KCNMB3: variants seen among roughly 807,000 people sequenced by gnomAD.
KCNMB3 encodes potassium calcium-activated channel subfamily M regulatory beta subunit 3.
KCNMB3 carries 18 observed loss-of-function variants against 11.9 expected under a neutral mutation model. That is an observed-to-expected ratio of 1.51 (90% CI 1.04 to 2.23). KCNMB3 has a LOEUF of 2.23. Ranked by LOEUF, KCNMB3 falls within the 30% of genes most tolerant of loss-of-function variation. The probability of loss-of-function intolerance (pLI) is 0.00; values close to 1 mark genes in which losing one functional copy is unlikely to be tolerated. For missense variants in KCNMB3, 247 were observed against 329.4 expected (o/e 0.75, Z 1.94); for synonymous variants, 78 against 119.2 (o/e 0.65, Z 2.25).
Position 179,250,628 on chromosome 3 carries a change from A to G in KCNMB3, c.248+115T>C. On this transcript the variant is annotated intron_variant, in intron 1 of 2. Transcript: ENST00000392685. The stretch of plus-strand genomic sequence containing the variant: ...AGAGGAATTGTATTTTTCTTTTTCT[A>G]GACCATGGCAGAGAGTCACAGATTG... 3.7e-6 allele frequency: 4 copies of G among 1,069,682 alleles called. No homozygotes were observed. The South Asian group carries it at 4.5e-5, about 12-fold the overall frequency. The allele number at this position is 1,069,682 out of a possible 1,614,324, so 66.3% of individuals were successfully genotyped here. A position where few individuals can be genotyped will look rare whatever the true frequency, so the allele number is the denominator to read the frequency against.
intron 1 of KCNMB3, among the ~76,000 whole-genome samples, chr3:179,249,458 A>AGGGTC (rs1231095827): frequency 6.6e-6 from 1 of 151,742 alleles, no homozygotes; most frequent in East Asian, 2.0e-4. Context: ...CAGGAGTTCA[A>AGGGTC]AGGTCAGGAG....
intron 1 of KCNMB3, among the ~76,000 whole-genome samples, chr3:179,261,571 G>T (rs1352792071): frequency 1.4e-5 from 2 of 139,642 alleles, no homozygotes; most frequent in African/African-American, 5.2e-5. Flanking sequence ...CCCATGGCCC[G>T]CCCCGCCCCA....
chr3:179,259,268 G>T, intron 1 of KCNMB3: 1 of 1,544,630 alleles, frequency 6.5e-7, no homozygotes. Context: ...TGGGTACGGT[G>T]CAGTGATCTG....
chr3:179,251,702 G>T, upstream of KCNMB3: 1 of 1,176,564 alleles, frequency 8.5e-7, no homozygotes, highest in Non-Finnish European at 1.1e-6. Context: ...GTTTTGTTTG[G>T]CCTTCTCTGT....
chr3:179,263,144 C>A (rs1275780025), intron 1 of KCNMB3, among the ~76,000 whole-genome samples: 2 of 152,226 alleles, frequency 1.3e-5, no homozygotes, highest in Admixed American at 6.5e-5. Flanking sequence ...CAGGAGCCCA[C>A]GGAGGCGGGG....
intron 1 of KCNMB3, among the ~76,000 whole-genome samples, chr3:179,248,397 C>A (rs546149522): frequency 6.6e-6 from 1 of 152,304 alleles, no homozygotes; most frequent in African/African-American, 2.4e-5. Context: ...CCCAAACCTG[C>A]AGTCGAAAAT....
In KCNMB3 at chr3:179,244,600, G is replaced by A. The variant is rs556601924; in HGVS notation, c.342C>T (p.His114=). 49 of 1,614,078 alleles carry A rather than the reference G, an allele frequency of 3.0e-5. No individual in the cohort carries two copies. In the African/African-American group the frequency reaches 3.7e-4, roughly 12 times the overall value. ...DCAFTCGVHC[H]GQGKYPCLQV... ...GAAGACACGGGTACTTCCCCTGACCGTGGCAGTGCACACCACAGGTGAAGG... is the reference window on the plus strand; with the variant it reads ...GAAGACACGGGTACTTCCCCTGACCATGGCAGTGCACACCACAGGTGAAGG... Residue 114 remains histidine (H), a synonymous_variant, in exon 2 of 3, where the codon CAC becomes CAT. Coordinates refer to ENST00000392685, the MANE Select transcript of KCNMB3 (RefSeq NM_171830.2).
intron 1 of KCNMB3, among the ~76,000 whole-genome samples, chr3:179,257,889 TG>T (rs879613636): frequency 0.46 from 69,791 of 151,466 alleles, 17,715 homozygotes; most frequent in East Asian, 0.77. Flanking sequence ...TGTGTGTGTG[TG>T]TGTGTGTGTT....
At chr3:179,260,136 T>A in intron 1 of KCNMB3, 4 of 1,606,916 alleles carry the variant, frequency 2.5e-6, no homozygotes, top group Non-Finnish European at 3.4e-6. Context: ...GGCCACTGTG[T>A]CTGCCTGCTC....
chr3:179,257,664 GA>G (rs1726056329), intron 1 of KCNMB3, among the ~76,000 whole-genome samples: 1 of 152,126 alleles, frequency 6.6e-6, no homozygotes, highest in Non-Finnish European at 1.5e-5. Flanking sequence ...CTGTTCTTTT[GA>G]ATGATGATTA....
chr3:179,251,505 C>G, upstream of KCNMB3: 1 of 1,386,978 alleles, frequency 7.2e-7, no homozygotes, highest in African/African-American at 1.4e-5. Context: ...CCTTCTCCTC[C>G]TCTCTGGCCA....
At chr3:179,264,664 G>T (rs1307439851) in intron 1 of KCNMB3, among the ~76,000 whole-genome samples, 1 of 152,144 alleles carries the variant, frequency 6.6e-6, no homozygotes, top group Non-Finnish European at 1.5e-5. Context: ...ACTCACCTGG[G>T]TGTGATCCCC....
chr3:179,245,499 C>T (rs1223761958), intron 1 of KCNMB3, among the ~76,000 whole-genome samples: 5 of 146,780 alleles, frequency 3.4e-5, no homozygotes, highest in Non-Finnish European at 6.0e-5. Context: ...AAGTGCTGTA[C>T]TGAATTAATT....
At chr3:179,266,527 C>T (rs1463043619) in intron 1 of KCNMB3, 9 of 1,128,796 alleles carry the variant, frequency 8.0e-6, no homozygotes, top group Middle Eastern at 4.1e-4. Context: ...GGAGGCATGG[C>T]AAGTGGGCAT....
At chr3:179,246,928 A>T (rs1438885126) in intron 1 of KCNMB3, among the ~76,000 whole-genome samples, 1 of 152,190 alleles carries the variant, frequency 6.6e-6, no homozygotes, top group East Asian at 1.9e-4. Flanking sequence ...TTCCTTCAAT[A>T]GCATCGGGTG....
In KCNMB3 at chr3:179,263,800, C is replaced by CTTTTTTTTTT. The variant is rs60270913; in HGVS notation, c.62+2839_62+2848dup. Among the ~76,000 whole-genome samples the CTTTTTTTTTT allele has an allele frequency of 7.3e-3, 438 of 59,756 alleles. 1 individual carries two copies. Among genetic ancestry groups the CTTTTTTTTTT allele is most frequent in the Non-Finnish European group, 8.9e-3 (306 of 34,428 alleles). 39.2% of individuals were successfully genotyped at this position (59,756 alleles called of 152,430 possible). On this transcript the variant is annotated intron_variant, in intron 1 of 3. Transcript: ENST00000349697. ...TCTGTTTTGTTTTTCTTTTTCTTTT[C>CTTTTTTTTTT]TTTTTTTTTTTTTTTTTTTTTTTGA...
intron 1 of KCNMB3, among the ~76,000 whole-genome samples, chr3:179,249,968 A>T (rs1725779075): frequency 6.6e-6 from 1 of 152,176 alleles, no homozygotes. Context: ...CTGTGCTGCA[A>T]ACCACCATGG....
chr3:179,263,129 C>T (rs761630767), intron 1 of KCNMB3, among the ~76,000 whole-genome samples: 8 of 152,320 alleles, frequency 5.3e-5, no homozygotes, highest in African/African-American at 1.4e-4. Flanking sequence ...GAGGCTCGGG[C>T]GGCACAGGAG....
chr3:179,253,371 A>G (rs1435877609), upstream of KCNMB3, among the ~76,000 whole-genome samples: 1 of 152,260 alleles, frequency 6.6e-6, no homozygotes, highest in African/African-American at 2.4e-5. Flanking sequence ...ACTGTCCTAG[A>G]CAAGACTTTT....
Sources: gnomAD v4.1 joint callset for allele counts (sites outside exome capture counted in the v4.1 genomes callset) on GRCh38, gnomAD v4.1.1 for gene constraint, MANE v1.5 for transcripts, NCBI Gene and HGNC (gene_info 2026-07-23, HGNC 2026-07-21) for gene names.